Variants in TDRD12 observed in about 807,000 individuals in gnomAD.
TDRD12 encodes tudor domain containing 12.
In TDRD12, 158 loss-of-function variants were observed where a neutral mutation model predicts 133.5. The ratio of observed to expected loss-of-function variants is 1.18; its 90% CI spans 1.04 to 1.35. The LOEUF (loss-of-function observed/expected upper bound fraction) is 1.35, where lower values mean the gene tolerates loss of function less well. TDRD12 is among the 40% of genes most tolerant of loss of function. TDRD12 has a pLI of 0.00. For missense variants in TDRD12, 1,443 were observed against 1,321.3 expected, an observed-to-expected ratio of 1.09 and a Z score of -1.43; for synonymous variants, 460 against 477.9, an observed-to-expected ratio of 0.96 and a Z score of 0.49.
chr19:32,770,489 TTGTC>T (rs993972565), intron 8 of TDRD12, among the ~76,000 whole-genome samples: 1 of 152,224 alleles, frequency 6.6e-6, no homozygotes, highest in African/African-American at 2.4e-5. Context: ...AAGGTCATCA[TTGTC>T]TGTCCTCACA....
chr19:32,742,636 G>C, intron 3 of TDRD12, 145 bp from the exon 4 acceptor site: 1 of 910,322 alleles, frequency 1.1e-6, no homozygotes, highest in South Asian at 2.0e-5. Flanking sequence ...TCCAAGCACT[G>C]TTGGTGGCCA....
At chr19:32,723,892 T>C (rs941521719) in intron 1 of TDRD12, among the ~76,000 whole-genome samples, 6 of 151,982 alleles carry the variant, frequency 3.9e-5, no homozygotes, top group African/African-American at 1.5e-4. Flanking sequence ...GGGTCTTGCT[T>C]TGTTGGCCAG....
exon 7 of TDRD12, chr19:32,756,012 T>G: frequency 1.4e-6 from 2 of 1,468,652 alleles, no homozygotes; most frequent in Non-Finnish European, 1.8e-6. Flanking sequence ...ATGATGATCT[T>G]GTTGCAAAGA....
intron 13 of TDRD12, among the ~76,000 whole-genome samples, chr19:32,792,062 A>G (rs1293123226): frequency 6.6e-6 from 1 of 152,112 alleles, no homozygotes; most frequent in Non-Finnish European, 1.5e-5. Flanking sequence ...CCTGGCCAAC[A>G]TGGTGAAACC....
chr19:32,774,571 TTC>T (rs1970528864), intron 10 of TDRD12, among the ~76,000 whole-genome samples: 1 of 152,198 alleles, frequency 6.6e-6, no homozygotes. Context: ...TCCCACTGTC[TTC>T]TCTCTTGCAT....
intron 11 of TDRD12, among the ~76,000 whole-genome samples, chr19:32,779,405 C>T (rs1008716836): frequency 6.6e-6 from 1 of 152,140 alleles, no homozygotes; most frequent in Non-Finnish European, 1.5e-5. Flanking sequence ...TCATATAACT[C>T]ATTTGGAAAC....
intron 13 of TDRD12, among the ~76,000 whole-genome samples, chr19:32,792,404 T>C (rs1971098295): frequency 6.6e-6 from 1 of 152,200 alleles, no homozygotes; most frequent in Non-Finnish European, 1.5e-5. Flanking sequence ...ATGTTTTTTC[T>C]CTCTGGGGAT....
chr19:32,762,871 A>C (rs1021827594), intron 8 of TDRD12, among the ~76,000 whole-genome samples: 1 of 152,200 alleles, frequency 6.6e-6, no homozygotes, highest in Non-Finnish European at 1.5e-5. Context: ...CCCAACCTAC[A>C]TGGTGCAGCC....
In TDRD12 at chr19:32,815,667, TACAACTC is replaced by T. The variant is rs768304058; in HGVS notation, c.3314+52_3314+58del. 16 of 1,481,822 alleles carry T rather than the reference TACAACTC, an allele frequency of 1.1e-5. No homozygotes were observed. In the Admixed American group the frequency reaches 1.3e-4, roughly 12 times the overall value. The allele number at this position is 1,481,822 out of a possible 1,614,324, so 91.8% of individuals were successfully genotyped here. A position where few individuals can be genotyped will look rare whatever the true frequency, so the allele number is the denominator to read the frequency against. On this transcript the variant is annotated intron_variant, in intron 26 of 27. Coordinates refer to ENST00000444215, the Ensembl canonical transcript of TDRD12. ...TTTTGGAAGAGTTGTTTTTTGGAAA[TACAACTC>T]ACAAGTGTTAAGGACATGTTTTATG...
intron 3 of TDRD12, 77 bp from the exon 4 acceptor site, chr19:32,742,704 T>C: frequency 2.2e-6 from 3 of 1,384,554 alleles, no homozygotes; most frequent in Non-Finnish European, 2.9e-6. Flanking sequence ...AGTGTATTAA[T>C]AAAATAGGTA....
exon 1 of TDRD12, chr19:32,719,973 C>T (rs1968567633): frequency 1.4e-6 from 2 of 1,435,684 alleles, no homozygotes; most frequent in East Asian, 2.5e-5. Context: ...GGAACGCACT[C>T]GCGGCGGGGG....
At chr19:32,736,155 A>G (rs1480134076) in intron 2 of TDRD12, among the ~76,000 whole-genome samples, 1 of 152,232 alleles carries the variant, frequency 6.6e-6, no homozygotes. Flanking sequence ...TACGAATGGA[A>G]CAAGAAAGCC....
intron 11 of TDRD12, among the ~76,000 whole-genome samples, chr19:32,782,843 G>T (rs1970808319): frequency 6.6e-6 from 1 of 152,202 alleles, no homozygotes; most frequent in African/African-American, 2.4e-5. Flanking sequence ...ATTTGTTTAA[G>T]TTCTTTGTAG....
At chr19:32,739,086 A>T in intron 3 of TDRD12, 94 bp downstream of exon 3, 2 of 1,430,012 alleles carry the variant, frequency 1.4e-6, no homozygotes, top group Non-Finnish European at 1.9e-6. Context: ...GCTAGAGGTC[A>T]CTACACTGAG....
At chr19:32,765,891 TA>T (rs943214573) in intron 8 of TDRD12, among the ~76,000 whole-genome samples, 126 of 138,682 alleles carry the variant, frequency 9.1e-4, no homozygotes, top group Middle Eastern at 3.6e-3. Flanking sequence ...AAGTATAATT[TA>T]AAAAAAAAAA....
intron 8 of TDRD12, among the ~76,000 whole-genome samples, chr19:32,770,812 A>C (rs1011971378): frequency 6.6e-6 from 1 of 152,238 alleles, no homozygotes; most frequent in African/African-American, 2.4e-5. Context: ...TGAATCAGTT[A>C]ATTCATATAA....
At chr19:32,790,637 T>G in intron 12 of TDRD12, 46 bp downstream of exon 12, 1 of 1,551,520 alleles carries the variant, frequency 6.4e-7, no homozygotes, top group Non-Finnish European at 8.7e-7. Flanking sequence ...GAGAAAAAAC[T>G]GTTTATTCTT....
chr19:32,788,673 G>T (rs1022938316), intron 11 of TDRD12, among the ~76,000 whole-genome samples: 1 of 152,058 alleles, frequency 6.6e-6, no homozygotes, highest in African/African-American at 2.4e-5. Context: ...CGGTTTTTAA[G>T]GCTGGAGGCT....
At chr19:32,786,297 G>A (rs1019321230) in intron 11 of TDRD12, among the ~76,000 whole-genome samples, 1 of 152,184 alleles carries the variant, frequency 6.6e-6, no homozygotes, top group Non-Finnish European at 1.5e-5. Flanking sequence ...GAGATCCACT[G>A]TTAGTCTGCT....
Sources: gnomAD v4.1 joint callset for allele counts (sites outside exome capture counted in the v4.1 genomes callset) on GRCh38, gnomAD v4.1.1 for gene constraint, MANE v1.5 for transcripts, NCBI Gene and HGNC (gene_info 2026-07-23, HGNC 2026-07-21) for gene names.